The following CFAP299 variants were observed in gnomAD, a reference collection of about 807,000 sequenced individuals.
CFAP299 encodes cilia- and flagella-associated protein 299.
Under a neutral mutation model 27.0 loss-of-function variants are expected in CFAP299, and 21 were observed. The observed-to-expected ratio is 0.78, with a 90% CI of 0.55 to 1.12. The LOEUF is 1.12. CFAP299 is among the 50% of genes most tolerant of loss of function. The probability of loss-of-function intolerance (pLI) is 0.00; values close to 1 mark genes in which losing one functional copy is unlikely to be tolerated. For missense variants in CFAP299, 310 were observed against 276.6 expected (o/e 1.12, Z -0.86); for synonymous variants, 104 against 98.1 (o/e 1.06, Z -0.36).
intron 4 of CFAP299, among the ~76,000 whole-genome samples, chr4:80,912,433 T>A (rs77032375): frequency 0.035 from 5,361 of 152,172 alleles, 219 homozygotes; most frequent in African/African-American, 0.1. Flanking sequence ...CACCTCACCA[T>A]ATCAATGAGT....
At chr4:80,353,865 T>C (rs1217498470) in intron 1 of CFAP299, among the ~76,000 whole-genome samples, 1 of 152,212 alleles carries the variant, frequency 6.6e-6, no homozygotes, top group Non-Finnish European at 1.5e-5. Flanking sequence ...TACTTAACAA[T>C]GTTTCAGCTG....
the CFAP299 span, among the ~76,000 whole-genome samples, chr4:80,327,347 G>A: frequency 3.9e-5 from 6 of 152,018 alleles, no homozygotes; most frequent in African/African-American, 7.2e-5. Context: ...TTGAGGTAGC[G>A]TGAAGTAAGA....
In CFAP299 at chr4:80,547,586, A is replaced by T. The variant is rs76939559; in HGVS notation, c.243-35507A>T. ...AAAGAAACATCAACAGAGTAAAAAGACAGCCTACGGAATGAGAGAAAGTAT... is the reference window on the plus strand; with the variant it reads ...AAAGAAACATCAACAGAGTAAAAAGTCAGCCTACGGAATGAGAGAAAGTAT... On this transcript the variant is annotated intron_variant, in intron 2 of 5. Transcript: ENST00000358105. Among the ~76,000 whole-genome samples the T allele has an allele frequency of 1.1e-3, 175 of 152,228 alleles. No homozygotes were observed. The East Asian group carries it at 0.03, about 27-fold the overall frequency.
chr4:80,671,360 G>C (rs1741471652), intron 3 of CFAP299, among the ~76,000 whole-genome samples: 1 of 152,044 alleles, frequency 6.6e-6, no homozygotes, highest in South Asian at 2.1e-4. Flanking sequence ...TATCTGTTTT[G>C]GTACCAGTAC....
chr4:80,495,623 C>A lies in CFAP299; in HGVS notation c.243-87470C>A, dbSNP rs548523385. On this transcript the variant is annotated intron_variant, in intron 2 of 5. Transcript: ENST00000358105. ...TTGAGATCAGCCTGGACAACACAAA[C>A]CCTATCTCTATAAAAAATTTGTTTT... 2.5e-3 allele frequency among the ~76,000 whole-genome samples: 381 copies of A among 152,258 alleles called. 2 individuals are homozygous for A. Among genetic ancestry groups the A allele is most frequent in the Middle Eastern group, 6.8e-3 (2 of 294 alleles).
chr4:80,331,196 G>T (rs938936964), upstream of CFAP299, among the ~76,000 whole-genome samples: 11 of 152,290 alleles, frequency 7.2e-5, no homozygotes, highest in African/African-American at 2.4e-4. Flanking sequence ...AGAAGTGGAG[G>T]CTCCTTTCAA....
At chr4:80,637,241 TGCC>T (rs1401287088) in intron 3 of CFAP299, among the ~76,000 whole-genome samples, 1 of 152,120 alleles carries the variant, frequency 6.6e-6, no homozygotes, top group Admixed American at 6.5e-5. Flanking sequence ...CTAAATTGTA[TGCC>T]AACAAAATAG....
intron 4 of CFAP299, among the ~76,000 whole-genome samples, chr4:80,909,995 CA>C (rs1341716984): frequency 2.6e-5 from 4 of 152,092 alleles, no homozygotes; most frequent in African/African-American, 9.7e-5. Context: ...AAAATCCGCA[CA>C]TTGAAATTTA....
intron 3 of CFAP299, among the ~76,000 whole-genome samples, chr4:80,605,339 G>C: frequency 6.6e-6 from 1 of 152,100 alleles, no homozygotes; most frequent in Non-Finnish European, 1.5e-5. Context: ...TGGCCTGATG[G>C]GAGGGGAAGG....
chr4:80,619,578 TTAAA>T, intron 3 of CFAP299, among the ~76,000 whole-genome samples: 1 of 152,188 alleles, frequency 6.6e-6, no homozygotes, highest in African/African-American at 2.4e-5. Flanking sequence ...TAGAATATAG[TTAAA>T]TATTCTTTAG....
At chr4:80,782,597 ATAAT>A (rs1044373162) in intron 3 of CFAP299, among the ~76,000 whole-genome samples, 4 of 129,966 alleles carry the variant, frequency 3.1e-5, no homozygotes, top group African/African-American at 1.1e-4. Context: ...ATATTCATAT[ATAAT>A]ATACATATAT....
At chr4:80,820,113 T>C (rs574115725) in intron 3 of CFAP299, among the ~76,000 whole-genome samples, 1 of 152,318 alleles carries the variant, frequency 6.6e-6, no homozygotes, top group South Asian at 2.1e-4. Context: ...TGTAGATTTG[T>C]ATATTGATAT....
intron 2 of CFAP299, among the ~76,000 whole-genome samples, chr4:80,423,001 A>G (rs991331847): frequency 2.6e-5 from 4 of 152,210 alleles, no homozygotes; most frequent in Admixed American, 6.5e-5. Context: ...ACTGTAGGCA[A>G]TTATGTAACA....
At chr4:80,437,573 T>C (rs1468012992) in intron 2 of CFAP299, among the ~76,000 whole-genome samples, 2 of 152,064 alleles carry the variant, frequency 1.3e-5, no homozygotes, top group Admixed American at 6.5e-5. Flanking sequence ...AGCCCAAAAT[T>C]TTAATAAAGG....
At chr4:80,925,685 T>A (rs1225459687) in intron 4 of CFAP299, among the ~76,000 whole-genome samples, 1 of 151,718 alleles carries the variant, frequency 6.6e-6, no homozygotes, top group Non-Finnish European at 1.5e-5. Flanking sequence ...AAAAAAAGAC[T>A]AAAGATGAAA....
intron 2 of CFAP299, among the ~76,000 whole-genome samples, chr4:80,506,039 C>A (rs1010554625): frequency 2.0e-5 from 3 of 151,224 alleles, no homozygotes; most frequent in South Asian, 2.1e-4. Context: ...TAATAACTGG[C>A]AATTTATGTT....
chr4:80,642,643 A>C (rs1330957745), intron 3 of CFAP299, among the ~76,000 whole-genome samples: 1 of 152,152 alleles, frequency 6.6e-6, no homozygotes, highest in Non-Finnish European at 1.5e-5. Flanking sequence ...ACGTGCCTAT[A>C]GTCCCAGCTA....
At chr4:80,568,328 C>A (rs1423865476) in intron 2 of CFAP299, among the ~76,000 whole-genome samples, 1 of 151,852 alleles carries the variant, frequency 6.6e-6, no homozygotes, top group Non-Finnish European at 1.5e-5. Flanking sequence ...TAGAAAATTG[C>A]AAAACTATGT....
At chr4:80,353,151 CCCCTTACTAG>C (rs1488670043) in intron 1 of CFAP299, among the ~76,000 whole-genome samples, 1 of 152,136 alleles carries the variant, frequency 6.6e-6, no homozygotes, top group African/African-American at 2.4e-5. Flanking sequence ...AATTGACAAA[CCCCTTACTAG>C]GCTGATTGTA....
Sources: gnomAD v4.1 joint callset for allele counts (sites outside exome capture counted in the v4.1 genomes callset) on GRCh38, gnomAD v4.1.1 for gene constraint, MANE v1.5 for transcripts, NCBI Gene and HGNC (gene_info 2026-07-23, HGNC 2026-07-21) for gene names.